Variants in TANC2 observed in about 807,000 individuals in gnomAD.
The protein encoded by TANC2 is tetratricopeptide repeat, ankyrin repeat and coiled-coil containing 2.
In TANC2, 26 loss-of-function variants were observed where a neutral mutation model predicts 210.5. That is an observed-to-expected ratio of 0.12 (90% confidence interval 0.09 to 0.17). The LOEUF is 0.17. Ranked by LOEUF, TANC2 falls within the 10% of genes least tolerant of loss-of-function variation. The pLI, the probability that TANC2 is intolerant of heterozygous loss-of-function variation, is 1.00. For synonymous variants in TANC2, 931 were observed against 967.1 expected (o/e 0.96, Z 0.69); for missense variants, 2,129 against 2,608.9 (o/e 0.82, Z 4.01).
chr17:63,345,619 C>CA (rs752643075), intron 12 of TANC2, among the ~76,000 whole-genome samples: 12,767 of 86,388 alleles, frequency 0.15, 937 homozygotes, highest in East Asian at 0.28. Flanking sequence ...AATTCTGTCT[C>CA]AAAAAAAAAA....
chr17:63,314,651 C>G, exon 10 of TANC2: 1 of 1,613,630 alleles, frequency 6.2e-7, no homozygotes, highest in Non-Finnish European at 8.5e-7. Flanking sequence ...CTCAGACAGC[C>G]CACATGCCTC....
At chr17:63,177,537 A>G (rs2040632185) in intron 5 of TANC2, among the ~76,000 whole-genome samples, 1 of 152,132 alleles carries the variant, frequency 6.6e-6, no homozygotes, top group East Asian at 1.9e-4. Context: ...TTTGAGTCAA[A>G]TACCTAAAAA....
intron 2 of TANC2, among the ~76,000 whole-genome samples, chr17:63,029,355 A>G (rs1309276375): frequency 6.6e-6 from 1 of 152,142 alleles, no homozygotes; most frequent in Non-Finnish European, 1.5e-5. Context: ...TGTTACTTGG[A>G]ACAGAAATAT....
intron 4 of TANC2, among the ~76,000 whole-genome samples, chr17:63,110,850 T>A (rs1363891120): frequency 6.6e-6 from 1 of 152,240 alleles, no homozygotes; most frequent in African/African-American, 2.4e-5. Context: ...TAGAGCAGGA[T>A]ATTGTTAAAC....
Position 63,419,000 on chromosome 17 carries a change from G to C in TANC2, c.4268+593G>C, listed in dbSNP as rs1249827042. On this transcript the variant is annotated intron_variant, in intron 27 of 27. Transcript: ENST00000689528. The surrounding 1 kb of genome is among the most constrained non-coding windows in gnomAD (Gnocchi z 4.6). ...AAGAGAACACCATTCCACATTCCTT[G>C]TGCCCATCTGCTTTAGTTTGGCCAC... Among the ~76,000 whole-genome samples, 1 of 152,174 alleles carries C rather than the reference G, an allele frequency of 6.6e-6. No individual in the cohort carries two copies. The highest frequency in any genetic ancestry group is 1.5e-5 in the Non-Finnish European group (1 of 68,042).
chr17:63,339,659 T>C (rs991527800), intron 11 of TANC2, among the ~76,000 whole-genome samples: 2 of 152,210 alleles, frequency 1.3e-5, no homozygotes, highest in African/African-American at 2.4e-5. Flanking sequence ...TTGATAGAAG[T>C]ATATGTGTTT....
At chr17:63,310,680 A>T (rs527514057) in intron 9 of TANC2, among the ~76,000 whole-genome samples, 5 of 152,350 alleles carry the variant, frequency 3.3e-5, no homozygotes, top group East Asian at 1.9e-4. Context: ...ACATGTTTTT[A>T]AAAAATCACC....
chr17:63,143,043 TTACTGCTC>T (rs2039342828), intron 4 of TANC2, among the ~76,000 whole-genome samples: 1 of 152,182 alleles, frequency 6.6e-6, no homozygotes. Context: ...GAAGCATTTC[TTACTGCTC>T]TGTGCACATG....
intron 2 of TANC2, among the ~76,000 whole-genome samples, chr17:63,035,701 C>T (rs1302626260): frequency 3.3e-5 from 5 of 152,100 alleles, no homozygotes; most frequent in African/African-American, 1.2e-4. Context: ...CATAAGTTTT[C>T]GTATCTGTAG....
At chr17:63,368,989 T>C (rs891067710) in intron 14 of TANC2, among the ~76,000 whole-genome samples, 3 of 152,334 alleles carry the variant, frequency 2.0e-5, no homozygotes, top group African/African-American at 4.8e-5. Context: ...CATATCTTTT[T>C]AGTTGCCACA....
At chr17:63,017,579 C>G (rs2034162315) in intron 2 of TANC2, among the ~76,000 whole-genome samples, 1 of 152,124 alleles carries the variant, frequency 6.6e-6, no homozygotes, top group African/African-American at 2.4e-5. Context: ...TAAGCCCAAA[C>G]AAATTCTGAA....
intron 2 of TANC2, among the ~76,000 whole-genome samples, chr17:63,052,994 G>A (rs1347719564): frequency 6.6e-6 from 1 of 152,160 alleles, no homozygotes; most frequent in Non-Finnish European, 1.5e-5. Flanking sequence ...GGCCAGATTT[G>A]GCTCGCAAGA....
intron 2 of TANC2, among the ~76,000 whole-genome samples, chr17:63,057,273 G>A (rs936544405): frequency 6.6e-6 from 1 of 152,176 alleles, no homozygotes; most frequent in African/African-American, 2.4e-5. Context: ...AAGAGAAGAA[G>A]TATACTTAAA....
intron 8 of TANC2, among the ~76,000 whole-genome samples, chr17:63,242,543 A>G (rs1326274748): frequency 6.6e-6 from 1 of 152,164 alleles, no homozygotes; most frequent in African/African-American, 2.4e-5. Flanking sequence ...TATTGCAGAT[A>G]GCTCCAGGGG....
chr17:63,421,364 C>G lies in TANC2; in HGVS notation c.5634C>G (p.Asn1878Lys), dbSNP rs780335763. The G allele has an allele frequency of 3.3e-5, 54 of 1,613,942 alleles. No individual in the cohort carries two copies. The highest frequency in any genetic ancestry group is 4.6e-5 in the Non-Finnish European group (54 of 1,179,906). Residue 1878 changes from asparagine to lysine, a missense_variant, in exon 28 of 28, where the codon AAC becomes AAG. By Grantham distance (94) the Asn-to-Lys change is moderately conservative. Around this residue, in one of 5 missense-constraint regions of TANC2, gnomAD observed 584 missense variants for 627.3 expected, o/e 0.93. Transcript: ENST00000689528. The surrounding 1 kb of genome is among the most constrained non-coding windows in gnomAD (Gnocchi z 6.9). Reference sequence around the variant, plus strand: ...GCAATAGTATCTCCTCCACCTCCAACCTAACTCCGACCTTCCGGCCATCTT... The same window carrying G: ...GCAATAGTATCTCCTCCACCTCCAAGCTAACTCCGACCTTCCGGCCATCTT...
chr17:62,991,009 G>C (rs759752157), intron 1 of TANC2, among the ~76,000 whole-genome samples: 1 of 152,128 alleles, frequency 6.6e-6, no homozygotes, highest in Admixed American at 6.6e-5. Flanking sequence ...ATAGATTTCT[G>C]ACATATTTGG....
Position 63,004,669 on chromosome 17 carries a change from C to T in TANC2, c.-23-4868C>T, listed in dbSNP as rs555760822. 2.4e-4 allele frequency: 66 copies of T among 278,612 alleles called. 1 individual carries two copies. The South Asian group carries it at 2.8e-3, about 12-fold the overall frequency. The allele number at this position is 278,612 out of a possible 1,614,324, so 17.3% of individuals were successfully genotyped here. A position where few individuals can be genotyped will look rare whatever the true frequency, so the allele number is the denominator to read the frequency against. ...ATAAAAAATAGTATTTCAAACCGTA[C>T]AGTCACCAGAGGTCCACAGTTGTCA... On this transcript the variant is annotated intron_variant, in intron 1 of 27. Coordinates refer to ENST00000689528, the Ensembl canonical transcript of TANC2.
chr17:63,281,237 T>C, intron 9 of TANC2, among the ~76,000 whole-genome samples: 1 of 152,128 alleles, frequency 6.6e-6, no homozygotes, highest in Non-Finnish European at 1.5e-5. Context: ...CTCTTTCCAA[T>C]CTGTGGATGG....
At chr17:62,977,439 T>A (rs988915468) in intron 1 of TANC2, among the ~76,000 whole-genome samples, 8 of 152,218 alleles carry the variant, frequency 5.3e-5, no homozygotes, top group Non-Finnish European at 1.0e-4. Context: ...TATATGCAAA[T>A]TTGGTTCCAG....
Sources: gnomAD v4.1 joint callset for allele counts (sites outside exome capture counted in the v4.1 genomes callset) on GRCh38, gnomAD v4.1.1 for gene constraint, gnomAD v4.1.1 regional missense constraint, Gnocchi (gnomAD v3.1) non-coding constraint, MANE v1.5 for transcripts, NCBI Gene and HGNC (gene_info 2026-07-23, HGNC 2026-07-21) for gene names.